The following LVRN variants were observed in gnomAD, a reference collection of about 807,000 sequenced individuals.
The protein encoded by LVRN is aminopeptidase Q.
LVRN carries 99 observed loss-of-function variants against 111.4 expected under a neutral mutation model. The ratio of observed to expected loss-of-function variants is 0.89; its 90% CI spans 0.76 to 1.05. The LOEUF (loss-of-function observed/expected upper bound fraction) is 1.05, where lower values mean the gene tolerates loss of function less well. LVRN is among the 50% of genes least tolerant of loss of function. The pLI is 0.00. For synonymous variants in LVRN, 488 were observed against 449.5 expected, an observed-to-expected ratio of 1.09 and a Z score of -1.08; for missense variants, 1,414 against 1,206.8, an observed-to-expected ratio of 1.17 and a Z score of -2.54.
At chr5:116,015,513 CGTT>C in intron 17 of LVRN, 94 bp downstream of exon 17, 3 of 1,467,562 alleles carry the variant, frequency 2.0e-6, no homozygotes. Context: ...AGTATTAAAA[CGTT>C]GCGTATTTGT....
At position 115,966,580 on chromosome 5, in the gene LVRN, C is replaced by G. The variant is rs552258716; in HGVS notation, c.695+3268C>G. ...CCAGGCTAGCCTCATACTTCTGGCC[C>G]CAAGGGATCCTCCTACCTTTGCCTC... On this transcript the variant is annotated intron_variant, in intron 1 of 19. Transcript: ENST00000357872. Among the ~76,000 whole-genome samples, 8 of 152,272 alleles carry G rather than the reference C, an allele frequency of 5.3e-5. No homozygotes were observed. The South Asian group carries it at 1.7e-3, about 32-fold the overall frequency.
In LVRN at chr5:115,984,491, C is replaced by A. The variant is rs1479106125; in HGVS notation, c.839-79C>A. On this transcript the variant is annotated intron_variant, in intron 2 of 19. Coordinates refer to ENST00000357872, the MANE Select transcript of LVRN (RefSeq NM_173800.5). ...TAGCTGGAAAGGAGTAGCTGGGTGA[C>A]AATTGACTTGACAAATTATTTCAAA... The A allele has an allele frequency of 4.6e-6, 7 of 1,514,382 alleles. No homozygotes were observed. The African/African-American group carries it at 8.3e-5, about 18-fold the overall frequency. 93.8% of individuals were successfully genotyped at this position (1,514,382 alleles called of 1,614,324 possible). A position where few individuals can be genotyped will look rare whatever the true frequency, so the allele number is the denominator to read the frequency against.
intron 12 of LVRN, 72 bp from the exon 13 acceptor site, chr5:116,005,837 ATTG>A (rs774584717): frequency 8.7e-6 from 11 of 1,258,846 alleles, no homozygotes; most frequent in East Asian, 7.0e-5. Flanking sequence ...TAATCTTTAA[ATTG>A]TTGTTATTTT....
chr5:116,002,747 T>C, intron 10 of LVRN, 88 bp from the exon 11 acceptor site: 1 of 933,784 alleles, frequency 1.1e-6, no homozygotes, highest in Non-Finnish European at 1.6e-6. Context: ...GAGTTCTGTG[T>C]GCTATTTCAT....
chr5:115,966,269 C>A (rs1753200597), intron 1 of LVRN, among the ~76,000 whole-genome samples: 1 of 152,180 alleles, frequency 6.6e-6, no homozygotes, highest in African/African-American at 2.4e-5. Flanking sequence ...TCCGTTCCAT[C>A]TTTGTAATTT....
rs1223172008 is a variant in LVRN at position 115,984,568 on chromosome 5, A to C, written c.839-2A>C. On this transcript the variant is annotated splice_acceptor_variant, in intron 2 of 19. Coordinates refer to ENST00000357872, the MANE Select transcript of LVRN (RefSeq NM_173800.5). LOFTEE classifies it high-confidence loss of function. The stretch of plus-strand genomic sequence containing the variant: ...GATTTGAACTAAAATAAAATTCTCT[A>C]GGTCAGTCTGAAAAAGAAGATGTGA... The C allele has an allele frequency of 6.2e-7, 1 of 1,613,078 alleles. No homozygotes were observed. Among genetic ancestry groups the C allele is most frequent in the Admixed American group, 1.7e-5 (1 of 59,892 alleles).
intron 1 of LVRN, among the ~76,000 whole-genome samples, chr5:115,967,052 T>C (rs778740513): frequency 3.9e-5 from 6 of 152,224 alleles, no homozygotes; most frequent in Non-Finnish European, 7.4e-5. Context: ...TTTTGTGAGA[T>C]ATATATGGTT....
At chr5:115,974,542 C>T (rs1410461490) in intron 1 of LVRN, 1 of 152,352 alleles carries the variant, frequency 6.6e-6, no homozygotes, top group Non-Finnish European at 1.5e-5. Context: ...TCCTTGAAGT[C>T]TTCCCATTTC....
intron 12 of LVRN, among the ~76,000 whole-genome samples, chr5:116,003,740 C>T (rs1212214708): frequency 6.6e-6 from 1 of 152,126 alleles, no homozygotes; most frequent in African/African-American, 2.4e-5. Flanking sequence ...TGCCACCACG[C>T]CCGGCTAATT....
chr5:116,016,110 G>A (rs1748597867), intron 18 of LVRN, among the ~76,000 whole-genome samples: 1 of 152,072 alleles, frequency 6.6e-6, no homozygotes, highest in African/African-American at 2.4e-5. Flanking sequence ...AAATTAATTT[G>A]CTTTCTACAT....
rs767845191 is a variant in LVRN, at chr5:116,000,589, A to G, written c.1582-4A>G. 5.6e-6 allele frequency: 9 copies of G among 1,613,728 alleles called. No individual in the cohort carries two copies. Among genetic ancestry groups the G allele is most frequent in the African/African-American group, 1.3e-5 (1 of 74,930 alleles). The stretch of plus-strand genomic sequence containing the variant: ...TTTTAACCTTAACTTTTCTATTTTT[A>G]CAGTCATATTTGAAGACATTTTCCT... On this transcript the variant is annotated splice_polypyrimidine_tract_variant and splice_region_variant and intron_variant, in intron 8 of 19. Coordinates refer to ENST00000357872, the MANE Select transcript of LVRN (RefSeq NM_173800.5).
chr5:116,009,715 C>G (rs1235521823), intron 13 of LVRN, among the ~76,000 whole-genome samples: 1 of 152,078 alleles, frequency 6.6e-6, no homozygotes, highest in East Asian at 1.9e-4. Flanking sequence ...AGAAGTGAAG[C>G]CTGAAGATGC....
At chr5:115,971,923 G>A (rs1267178552) in intron 1 of LVRN, among the ~76,000 whole-genome samples, 2 of 150,710 alleles carry the variant, frequency 1.3e-5, no homozygotes, top group Non-Finnish European at 3.0e-5. Flanking sequence ...GAATTCAAAT[G>A]TTAAAAATAT....
chr5:116,003,481 T>TC, intron 12 of LVRN, 101 bp downstream of exon 12: 2 of 738,574 alleles, frequency 2.7e-6, no homozygotes, highest in South Asian at 7.8e-5. Flanking sequence ...CCACCTTCAT[T>TC]CCCGCCCCTC....
intron 1 of LVRN, chr5:115,975,403 A>G (rs1580378020): frequency 9.9e-6 from 2 of 202,016 alleles, no homozygotes; most frequent in East Asian, 3.1e-4. Context: ...ACCACCGTAT[A>G]ACAAATGCTT....
At chr5:115,992,079 T>C (rs771300294) in intron 4 of LVRN, 44 bp from the exon 5 acceptor site, 57 of 1,535,376 alleles carry the variant, frequency 3.7e-5, no homozygotes, top group Non-Finnish European at 4.7e-5. Context: ...TCCCATTTTT[T>C]GGAAAAGATT....
At chr5:116,018,278 T>C (rs986604729) in intron 18 of LVRN, among the ~76,000 whole-genome samples, 1 of 152,230 alleles carries the variant, frequency 6.6e-6, no homozygotes, top group Non-Finnish European at 1.5e-5. Flanking sequence ...TTCCCGGTTC[T>C]CTATTTACTT....
chr5:115,985,570 A>G (rs1195764109), intron 3 of LVRN, among the ~76,000 whole-genome samples: 1 of 152,212 alleles, frequency 6.6e-6, no homozygotes, highest in Non-Finnish European at 1.5e-5. Context: ...AGGCACTCTC[A>G]GACTCAAGGT....
chr5:116,017,212 C>T (rs560074764), intron 18 of LVRN, among the ~76,000 whole-genome samples: 194 of 152,304 alleles, frequency 1.3e-3, no homozygotes, highest in African/African-American at 4.5e-3. Flanking sequence ...GTCACAGTAA[C>T]TGGCAAGAGC....
Sources: allele counts gnomAD v4.1 joint callset (sites outside exome capture counted in the v4.1 genomes callset), GRCh38; gene constraint gnomAD v4.1.1; transcripts MANE v1.5; gene names NCBI Gene and HGNC (gene_info 2026-07-23, HGNC 2026-07-21).